Variants in ATXN10 observed in about 807,000 individuals in gnomAD.
ATXN10 encodes the protein ataxin-10.
ATXN10 carries 28 observed loss-of-function variants against 52.9 expected under a neutral mutation model. That is an observed-to-expected ratio of 0.53 (90% confidence interval 0.39 to 0.73). The LOEUF (loss-of-function observed/expected upper bound fraction) is 0.73. Ranked by LOEUF, ATXN10 falls within the 30% of genes least tolerant of loss-of-function variation. ATXN10 has a pLI of 0.00. For synonymous variants in ATXN10, 226 were observed against 221.5 expected, an observed-to-expected ratio of 1.02 and a Z score of -0.18; for missense variants, 565 against 577.0, an observed-to-expected ratio of 0.98 and a Z score of 0.21.
intron 1 of ATXN10, chr22:45,689,445 T>G (rs890778533): frequency 1.2e-5 from 6 of 487,632 alleles, no homozygotes; most frequent in Middle Eastern, 5.6e-4. Flanking sequence ...TTCACTTACC[T>G]TATCTGTAAA....
At chr22:45,682,636 G>A (rs1922974200) in intron 1 of ATXN10, among the ~76,000 whole-genome samples, 1 of 152,154 alleles carries the variant, frequency 6.6e-6, no homozygotes, top group African/African-American at 2.4e-5. Context: ...CTGAATGCTA[G>A]ACTTGTTTAT....
At chr22:45,771,030 A>G (rs1926759644) in intron 9 of ATXN10, among the ~76,000 whole-genome samples, 2 of 152,148 alleles carry the variant, frequency 1.3e-5, no homozygotes, top group African/African-American at 4.8e-5. Context: ...TACAGCCACT[A>G]CACCCTGGCA....
chr22:45,771,761 A>C (rs1926787596), intron 9 of ATXN10, among the ~76,000 whole-genome samples: 1 of 151,600 alleles, frequency 6.6e-6, no homozygotes, highest in African/African-American at 2.4e-5. Context: ...CCTTATTTTG[A>C]AATTGGGTTG....
At chr22:45,803,486 T>A (rs1282214751) in intron 9 of ATXN10, among the ~76,000 whole-genome samples, 1 of 152,160 alleles carries the variant, frequency 6.6e-6, no homozygotes, top group Non-Finnish European at 1.5e-5. Flanking sequence ...CCAAACAAAC[T>A]ATGAGCGTGA....
At chr22:45,807,858 G>A (rs1270610536) in intron 10 of ATXN10, among the ~76,000 whole-genome samples, 1 of 152,154 alleles carries the variant, frequency 6.6e-6, no homozygotes. Flanking sequence ...CCTGCGGGAG[G>A]CAGTGAGGAG....
chr22:45,690,550 A>G lies in ATXN10; in HGVS notation c.308+647A>G, dbSNP rs1201899025. 6.6e-6 allele frequency among the ~76,000 whole-genome samples: 1 copy of G among 152,152 alleles called. No individual in the cohort carries two copies. Among genetic ancestry groups the G allele is most frequent in the East Asian group, 1.9e-4 (1 of 5,184 alleles). On this transcript the variant is annotated intron_variant, in intron 2 of 11. Transcript: ENST00000252934. This position sits in a 1 kb window ranked among gnomAD's most constrained non-coding sequence, Gnocchi z 4.5. ...ATTTTACCTGCCTAAGTTTATATGC[A>G]GTTCTTGACCTCAGGTTGTAAATGT...
Position 45,696,631 on chromosome 22 carries a change from G to T in ATXN10, c.391+3553G>T, listed in dbSNP as rs1158222955. On this transcript the variant is annotated intron_variant, in intron 3 of 11. Coordinates refer to ENST00000252934, the MANE Select transcript of ATXN10 (RefSeq NM_013236.4). The surrounding 1 kb of genome is among the most constrained non-coding windows in gnomAD (Gnocchi z 4.7). ...TTTACTCCATCATTTTCATCAGCAA[G>T]TAATATGCCCTCCCATTTTTCATTT... 2.0e-5 allele frequency among the ~76,000 whole-genome samples: 3 copies of T among 152,174 alleles called. No individual in the cohort carries two copies. In the East Asian group the frequency reaches 5.8e-4, roughly 29 times the overall value.
At position 45,712,079 on chromosome 22, in the gene ATXN10, A is replaced by G. The variant is rs1306362503; in HGVS notation, c.648-6334A>G. Reference sequence around the variant, plus strand: ...AATTAGAAACAAAGAGGTAATAACCAGATGGATGTTTTTGAGGCATGCAAG... The same window carrying G: ...AATTAGAAACAAAGAGGTAATAACCGGATGGATGTTTTTGAGGCATGCAAG... On this transcript the variant is annotated intron_variant, in intron 5 of 11. Transcript: ENST00000252934. This position sits in a 1 kb window ranked among gnomAD's most constrained non-coding sequence, Gnocchi z 4.6. Among the ~76,000 whole-genome samples the G allele has an allele frequency of 1.3e-5, 2 of 152,238 alleles. No individual in the cohort carries two copies. The highest frequency in any genetic ancestry group is 2.9e-5 in the Non-Finnish European group (2 of 68,040).
Position 45,681,094 on chromosome 22 carries a change from G to C in ATXN10, c.117-8618G>C, listed in dbSNP as rs1287216475. Among the ~76,000 whole-genome samples, 2 of 152,040 alleles carry C rather than the reference G, an allele frequency of 1.3e-5. No homozygotes were observed. The highest frequency in any genetic ancestry group is 2.9e-5 in the Non-Finnish European group (2 of 67,990). Reference sequence around the variant, plus strand: ...GAGTATCCCTTGTTTAATCACTTTTGTGGTTAAAAGAGACCTTTGGGTCAG... The same window carrying C: ...GAGTATCCCTTGTTTAATCACTTTTCTGGTTAAAAGAGACCTTTGGGTCAG... On this transcript the variant is annotated intron_variant, in intron 1 of 11. Coordinates refer to ENST00000252934, the MANE Select transcript of ATXN10 (RefSeq NM_013236.4). This position sits in a 1 kb window ranked among gnomAD's most constrained non-coding sequence, Gnocchi z 4.2.
chr22:45,809,117 A>G (rs1272528160), intron 10 of ATXN10, among the ~76,000 whole-genome samples: 2 of 152,206 alleles, frequency 1.3e-5, no homozygotes, highest in Admixed American at 6.5e-5. Context: ...CTTACAGCCT[A>G]GAGATTCAGT....
chr22:45,792,706 C>G, intron 9 of ATXN10: 1 of 370,192 alleles, frequency 2.7e-6, no homozygotes, highest in Admixed American at 3.4e-5. Context: ...CTATCTATTG[C>G]TTTAATTCAG....
At position 45,751,182 on chromosome 22, in the gene ATXN10, C is replaced by T. The variant is rs184944953; in HGVS notation, c.1173+10644C>T. 3.1e-4 allele frequency among the ~76,000 whole-genome samples: 47 copies of T among 152,226 alleles called. No individual in the cohort carries two copies. The East Asian group carries it at 6.2e-3, about 20-fold the overall frequency. ...CTGACCTCAAGTGATCTGCCTGCAG[C>T]GGCCTCCCAAAGTGCTGGGATTACA... On this transcript the variant is annotated intron_variant, in intron 9 of 11. Coordinates refer to ENST00000252934, the MANE Select transcript of ATXN10 (RefSeq NM_013236.4).
chr22:45,705,390 G>T lies in ATXN10; in HGVS notation c.647+2543G>T, dbSNP rs1332108628. Among the ~76,000 whole-genome samples the T allele has an allele frequency of 6.6e-6, 1 of 151,270 alleles. No homozygotes were observed. Among genetic ancestry groups the T allele is most frequent in the Non-Finnish European group, 1.5e-5 (1 of 67,888 alleles). ...CATCTGGTCTTGGGCTTTTTATCATGGGAAGGGTTTTGGTTACTAATTCAA... is the reference window on the plus strand; with the variant it reads ...CATCTGGTCTTGGGCTTTTTATCATTGGAAGGGTTTTGGTTACTAATTCAA... On this transcript the variant is annotated intron_variant, in intron 5 of 11. Coordinates refer to ENST00000252934, the MANE Select transcript of ATXN10 (RefSeq NM_013236.4). The surrounding 1 kb of genome is among the most constrained non-coding windows in gnomAD (Gnocchi z 5.2).
In ATXN10 at chr22:45,841,585, G is replaced by A. The variant is rs932343795; in HGVS notation, c.1238-1406G>A. On this transcript the variant is annotated intron_variant, in intron 10 of 11. Coordinates refer to ENST00000252934, the MANE Select transcript of ATXN10 (RefSeq NM_013236.4). The surrounding 1 kb of genome is among the most constrained non-coding windows in gnomAD (Gnocchi z 5.1). ...CGGTGTGTATTGGAGGGACTAAGAT[G>A]GAGCAACCTTTTTAAAGCCCCAAAA... Among the ~76,000 whole-genome samples the A allele has an allele frequency of 2.0e-5, 3 of 152,204 alleles. No homozygotes were observed. Among genetic ancestry groups the A allele is most frequent in the Non-Finnish European group, 4.4e-5 (3 of 68,040 alleles).
chr22:45,679,359 G>A (rs1256769340), intron 1 of ATXN10: 3 of 152,208 alleles, frequency 2.0e-5, no homozygotes, highest in Non-Finnish European at 4.4e-5. Context: ...GACAGGAAAC[G>A]TTAAATATGA....
chr22:45,785,942 G>A (rs1927309455), intron 9 of ATXN10, among the ~76,000 whole-genome samples: 1 of 152,176 alleles, frequency 6.6e-6, no homozygotes, highest in African/African-American at 2.4e-5. Context: ...TTTGGACAAA[G>A]CAGACAAATT....
rs1926121281 is a variant in ATXN10 at position 45,754,938 on chromosome 22, G to A, written c.1173+14400G>A. On this transcript the variant is annotated intron_variant, in intron 9 of 11. Coordinates refer to ENST00000252934, the MANE Select transcript of ATXN10 (RefSeq NM_013236.4). The surrounding 1 kb of genome is among the most constrained non-coding windows in gnomAD (Gnocchi z 5.4). ...GTGCCAAGAGTATGAGAAGCATGAG[G>A]TCCATGCCTGTTCCTTCTCTGCCTG... Among the ~76,000 whole-genome samples the A allele has an allele frequency of 6.6e-6, 1 of 152,198 alleles. No individual in the cohort carries two copies. The highest frequency in any genetic ancestry group is 1.5e-5 in the Non-Finnish European group (1 of 68,038).
Position 45,723,153 on chromosome 22 carries a change from A to G in ATXN10, c.728+4660A>G, listed in dbSNP as rs540423706. On this transcript the variant is annotated intron_variant, in intron 6 of 11. Transcript: ENST00000252934. ...TGTGTGTGTGTGTTTATATATATAT[A>G]TGTGTGTGTGTGTATATATATATAT... Among the ~76,000 whole-genome samples, 140 of 151,138 alleles carry G rather than the reference A, an allele frequency of 9.3e-4. No individual in the cohort carries two copies. The Middle Eastern group carries it at 0.014, about 15-fold the overall frequency.
rs185277250 is a variant in ATXN10, at chr22:45,725,767, C to T, written c.729-3658C>T. On this transcript the variant is annotated intron_variant, in intron 6 of 11. Coordinates refer to ENST00000252934, the MANE Select transcript of ATXN10 (RefSeq NM_013236.4). ...CAGTTCTTAGGGGCAATGCTTTCAT[C>T]TTTTTCCCCATTAAGTATGAGGTTG... Among the ~76,000 whole-genome samples, 445 of 152,184 alleles carry T rather than the reference C, an allele frequency of 2.9e-3. 2 individuals are homozygous for T. The highest frequency in any genetic ancestry group is 8.7e-3 in the South Asian group (42 of 4,806).
Sources: allele counts gnomAD v4.1 joint callset (sites outside exome capture counted in the v4.1 genomes callset), GRCh38; gene constraint gnomAD v4.1.1; non-coding constraint Gnocchi (gnomAD v3.1); transcripts MANE v1.5; gene names NCBI Gene and HGNC (gene_info 2026-07-23, HGNC 2026-07-21).